Variants in XKR6 observed in about 807,000 individuals in gnomAD.
XKR6 encodes the protein XK related 6.
In XKR6, 22 loss-of-function variants were observed where a neutral mutation model predicts 56.7. The observed-to-expected ratio is 0.39, with a 90% confidence interval of 0.28 to 0.55. The LOEUF is 0.55. Ranked by LOEUF, XKR6 falls within the 20% of genes least tolerant of loss-of-function variation. The probability of loss-of-function intolerance (pLI) is 0.66; values close to 1 mark genes in which losing one functional copy is unlikely to be tolerated. For missense variants in XKR6, 852 were observed against 889.0 expected, an observed-to-expected ratio of 0.96 and a Z score of 0.53; for synonymous variants, 524 against 387.8, an observed-to-expected ratio of 1.35 and a Z score of -4.13.
intron 1 of XKR6, among the ~76,000 whole-genome samples, chr8:11,055,517 C>T (rs1254842993): frequency 1.3e-5 from 2 of 152,192 alleles, no homozygotes; most frequent in East Asian, 3.9e-4. Context: ...ACAGGCCTCC[C>T]TCAGCCCTGC....
chr8:11,053,725 T>C (rs891590293), intron 1 of XKR6, among the ~76,000 whole-genome samples: 6 of 152,226 alleles, frequency 3.9e-5, no homozygotes, highest in African/African-American at 1.2e-4. Context: ...GGGACCAAGA[T>C]TCACTTGTGC....
intron 1 of XKR6, among the ~76,000 whole-genome samples, chr8:10,993,192 G>T (rs1377340267): frequency 2.0e-5 from 3 of 152,216 alleles, no homozygotes; most frequent in Non-Finnish European, 2.9e-5. Flanking sequence ...CCACTTTTTG[G>T]CTGGTAGCTC....
chr8:10,913,547 A>C (rs1362922702), intron 2 of XKR6, among the ~76,000 whole-genome samples: 1 of 152,160 alleles, frequency 6.6e-6, no homozygotes, highest in Non-Finnish European at 1.5e-5. Flanking sequence ...CCTTTCTGCC[A>C]AGAGCAGATG....
chr8:11,095,684 T>G (rs1038448928), intron 1 of XKR6, among the ~76,000 whole-genome samples: 14 of 152,338 alleles, frequency 9.2e-5, no homozygotes, highest in Admixed American at 5.2e-4. Flanking sequence ...GCAACTTGGC[T>G]CTCCTCCTTT....
chr8:11,069,780 C>A (rs1285984944), intron 1 of XKR6, among the ~76,000 whole-genome samples: 1 of 152,170 alleles, frequency 6.6e-6, no homozygotes, highest in Non-Finnish European at 1.5e-5. Flanking sequence ...TACTGTGCAA[C>A]TGGATTTCCA....
At chr8:11,160,187 T>TGTA (rs1455926365) in intron 1 of XKR6, among the ~76,000 whole-genome samples, 2 of 151,334 alleles carry the variant, frequency 1.3e-5, no homozygotes, top group African/African-American at 4.9e-5. Context: ...ATGAAGAAAA[T>TGTA]GTACGTCAGA....
intron 1 of XKR6, among the ~76,000 whole-genome samples, chr8:11,026,439 T>C (rs1397774271): frequency 7.4e-4 from 65 of 88,408 alleles, no homozygotes; most frequent in African/African-American, 1.8e-3. Flanking sequence ...TACTACACAC[T>C]TAGATAGTCT....
At chr8:11,198,838 C>T (rs997619587) in intron 1 of XKR6, among the ~76,000 whole-genome samples, 2 of 152,036 alleles carry the variant, frequency 1.3e-5, no homozygotes, top group African/African-American at 4.8e-5. Flanking sequence ...ATGTTAAAAT[C>T]TCTCTTCCCC....
At chr8:10,945,104 C>T (rs760089238) in intron 1 of XKR6, among the ~76,000 whole-genome samples, 68 of 152,168 alleles carry the variant, frequency 4.5e-4, no homozygotes, top group Non-Finnish European at 3.2e-4. Flanking sequence ...CTCCACCCCA[C>T]GCCACCCAGC....
rs115477675 is a variant in XKR6 at position 11,096,618 on chromosome 8, T to C, written c.764+103958A>G. Among the ~76,000 whole-genome samples the C allele has an allele frequency of 5.6e-3, 849 of 152,320 alleles. 6 individuals carry two copies. The highest frequency in any genetic ancestry group is 0.019 in the African/African-American group (802 of 41,570). ...TTGGAAAAGGAAGATGGACCGATGT[T>C]AGTCAAGCAGCCTTTTCCTGGAAAA... is the stretch of plus-strand genomic sequence containing the variant. On this transcript the variant is annotated intron_variant, in intron 1 of 2. Coordinates refer to ENST00000416569, the MANE Select transcript of XKR6 (RefSeq NM_173683.4).
At chr8:11,137,319 G>A in intron 1 of XKR6, 2 of 316,432 alleles carry the variant, frequency 6.3e-6, no homozygotes, top group Non-Finnish European at 1.2e-5. Context: ...ATACATATCA[G>A]AGCATAAGTG....
chr8:11,033,552 G>C (rs1799059835), intron 1 of XKR6, among the ~76,000 whole-genome samples: 1 of 152,128 alleles, frequency 6.6e-6, no homozygotes, highest in Admixed American at 6.5e-5. Context: ...AGATCACGAT[G>C]ACAATGATGA....
At chr8:11,137,985 C>T (rs1458139844) in intron 1 of XKR6, 12 of 310,454 alleles carry the variant, frequency 3.9e-5, no homozygotes, top group Non-Finnish European at 6.9e-5. Flanking sequence ...CTGATGAAGC[C>T]GTCAGCAACC....
chr8:11,174,143 G>T (rs1288090753), intron 1 of XKR6, among the ~76,000 whole-genome samples: 1 of 152,140 alleles, frequency 6.6e-6, no homozygotes, highest in Non-Finnish European at 1.5e-5. Flanking sequence ...ACTGGCTAAG[G>T]CTCTGACAAA....
chr8:11,018,722 TC>T (rs1178494715), intron 1 of XKR6, among the ~76,000 whole-genome samples: 1 of 152,152 alleles, frequency 6.6e-6, no homozygotes, highest in Non-Finnish European at 1.5e-5. Flanking sequence ...ACCAAAAGAT[TC>T]TTCCTGAAAC....
chr8:10,918,918 C>A (rs1318854815), intron 2 of XKR6, among the ~76,000 whole-genome samples: 1 of 152,244 alleles, frequency 6.6e-6, no homozygotes, highest in Non-Finnish European at 1.5e-5. Flanking sequence ...TAACCTCACA[C>A]CTGGCCCACC....
intron 1 of XKR6, among the ~76,000 whole-genome samples, chr8:10,928,324 G>A (rs897108845): frequency 1.3e-5 from 2 of 152,242 alleles, no homozygotes; most frequent in African/African-American, 4.8e-5. Flanking sequence ...GGCTGCTGCT[G>A]TCCTCGAGGC....
intron 1 of XKR6, among the ~76,000 whole-genome samples, chr8:11,110,024 G>C (rs1369434379): frequency 2.0e-5 from 3 of 152,140 alleles, no homozygotes; most frequent in East Asian, 1.9e-4. Flanking sequence ...CCAGGCTGGA[G>C]TGCAGTGACA....
chr8:11,151,604 G>C (rs906211778), intron 1 of XKR6, among the ~76,000 whole-genome samples: 1 of 152,076 alleles, frequency 6.6e-6, no homozygotes, highest in East Asian at 1.9e-4. Flanking sequence ...CAACGGCGCA[G>C]TCTGGAAGCC....
Sources: allele counts gnomAD v4.1 joint callset (sites outside exome capture counted in the v4.1 genomes callset), GRCh38; gene constraint gnomAD v4.1.1; transcripts MANE v1.5; gene names NCBI Gene and HGNC (gene_info 2026-07-23, HGNC 2026-07-21).